Variants in CDH4 observed in about 807,000 individuals in gnomAD.
CDH4 encodes the protein cadherin 4, also known as cadherin-4.
Under a neutral mutation model 86.0 loss-of-function variants are expected in CDH4, and 33 were observed. The observed-to-expected ratio is 0.38, with a 90% CI of 0.29 to 0.51. The LOEUF is 0.51. Among genes scored for constraint, CDH4 ranks in the 20% least tolerant of loss-of-function variants. CDH4 has a pLI of 0.86. For synonymous variants in CDH4, 555 were observed against 549.4 expected (o/e 1.01, Z -0.14); for missense variants, 1,114 against 1,307.4 (o/e 0.85, Z 2.28).
intron 2 of CDH4, among the ~76,000 whole-genome samples, chr20:61,293,237 G>A (rs977126723): frequency 3.3e-5 from 5 of 152,170 alleles, no homozygotes; most frequent in Non-Finnish European, 7.4e-5. Context: ...TGCACGTAGT[G>A]GGACTTGGCC....
At chr20:61,914,204 A>C (rs1343766327) in intron 9 of CDH4, among the ~76,000 whole-genome samples, 1 of 152,192 alleles carries the variant, frequency 6.6e-6, no homozygotes, top group African/African-American at 2.4e-5. Flanking sequence ...GAAGTGGAGC[A>C]TGGGGACTGA....
At chr20:61,459,232 T>G (rs1284049682) in intron 2 of CDH4, among the ~76,000 whole-genome samples, 1 of 152,090 alleles carries the variant, frequency 6.6e-6, no homozygotes, top group Non-Finnish European at 1.5e-5. Context: ...GGAGTATCGC[T>G]TTATCCCAGT....
intron 2 of CDH4, among the ~76,000 whole-genome samples, chr20:61,686,063 T>C (rs193122574): frequency 3.3e-5 from 5 of 152,270 alleles, no homozygotes; most frequent in Admixed American, 3.3e-4. Context: ...GTGATGGGAT[T>C]TTTTTTTCTT....
intron 1 of CDH4, among the ~76,000 whole-genome samples, chr20:61,253,143 G>T (rs980789889): frequency 1.2e-4 from 18 of 151,520 alleles, no homozygotes; most frequent in Middle Eastern, 3.5e-3. Context: ...GGGCGGCGGG[G>T]TAGGACTGCG....
intron 2 of CDH4, among the ~76,000 whole-genome samples, chr20:61,495,524 G>A (rs1333542726): frequency 6.6e-6 from 1 of 152,202 alleles, no homozygotes; most frequent in East Asian, 1.9e-4. Context: ...GCTCTGAGGT[G>A]GGAATGGCCA....
At position 61,687,434 on chromosome 20, in the gene CDH4, C is replaced by G. The variant is rs571697865; in HGVS notation, c.170-56129C>G. On this transcript the variant is annotated intron_variant, in intron 2 of 15. Coordinates refer to ENST00000614565, the MANE Select transcript of CDH4 (RefSeq NM_001794.5). Reference sequence around the variant, plus strand: ...GGACCCAAAATGTGGATGGGCGCCCCCGGGGACCCACAGACACTGCCTCCT... The same window carrying G: ...GGACCCAAAATGTGGATGGGCGCCCGCGGGGACCCACAGACACTGCCTCCT... 1.5e-3 allele frequency among the ~76,000 whole-genome samples: 232 copies of G among 152,298 alleles called. 2 individuals carry two copies. Among genetic ancestry groups the G allele is most frequent in the Non-Finnish European group, 6.9e-4 (47 of 68,034 alleles).
chr20:61,375,072 C>T (rs1268803032), intron 2 of CDH4, among the ~76,000 whole-genome samples: 1 of 152,194 alleles, frequency 6.6e-6, no homozygotes, highest in Non-Finnish European at 1.5e-5. Context: ...TTGATTGTAG[C>T]CTCATGTCTC....
In CDH4 at chr20:61,565,203, TCGC is replaced by T. The variant is rs1326102320; in HGVS notation, c.170-178359_170-178357del. Among the ~76,000 whole-genome samples the T allele has an allele frequency of 5.9e-4, 19 of 32,142 alleles. 1 individual carries two copies. The highest frequency in any genetic ancestry group is 7.2e-4 in the Non-Finnish European group (12 of 16,782). 21.1% of individuals were successfully genotyped at this position (32,142 alleles called of 152,430 possible). On this transcript the variant is annotated intron_variant, in intron 2 of 15. Transcript: ENST00000614565. ...GTGGTGGTGGTCCTCTTGGTGGTGGTCGCGGTGCTCTCGGTGGTAGGTGGTGGT... is the reference window on the plus strand; with the variant it reads ...GTGGTGGTGGTCCTCTTGGTGGTGGTGGTGCTCTCGGTGGTAGGTGGTGGT...
At chr20:61,285,882 G>C (rs1021637070) in intron 2 of CDH4, among the ~76,000 whole-genome samples, 2 of 152,228 alleles carry the variant, frequency 1.3e-5, no homozygotes, top group African/African-American at 4.8e-5. Flanking sequence ...GCTGGGGATG[G>C]CCGTGGGCAC....
At chr20:61,720,077 G>C (rs953855653) in intron 2 of CDH4, among the ~76,000 whole-genome samples, 1 of 152,138 alleles carries the variant, frequency 6.6e-6, no homozygotes, top group Non-Finnish European at 1.5e-5. Flanking sequence ...GAGGGCAGTC[G>C]GCGGTGGGGG....
intron 2 of CDH4, among the ~76,000 whole-genome samples, chr20:61,432,445 G>A (rs1261667631): frequency 2.0e-5 from 3 of 152,084 alleles, no homozygotes; most frequent in Non-Finnish European, 4.4e-5. Context: ...TTCTTTTGTG[G>A]AGTGTCTGTT....
intron 2 of CDH4, among the ~76,000 whole-genome samples, chr20:61,348,322 G>A (rs554845682): frequency 1.8e-3 from 276 of 152,178 alleles, no homozygotes; most frequent in African/African-American, 5.5e-3. Flanking sequence ...AGACTTATTC[G>A]CTATCACGAG....
At chr20:61,323,970 G>C (rs1334651304) in intron 2 of CDH4, among the ~76,000 whole-genome samples, 1 of 152,096 alleles carries the variant, frequency 6.6e-6, no homozygotes, top group East Asian at 1.9e-4. Flanking sequence ...TATTAGCTCT[G>C]GTGCCAGCAC....
intron 2 of CDH4, among the ~76,000 whole-genome samples, chr20:61,583,146 T>C: frequency 2.0e-5 from 1 of 50,764 alleles, no homozygotes; most frequent in Non-Finnish European, 4.8e-5. Flanking sequence ...GACAGAGGGC[T>C]CTGCGGAGGG....
intron 2 of CDH4, among the ~76,000 whole-genome samples, chr20:61,274,170 G>A (rs2084209169): frequency 6.8e-6 from 1 of 147,506 alleles, no homozygotes; most frequent in South Asian, 2.2e-4. Context: ...GCAGTTTGGG[G>A]GAGTACTGTG....
At chr20:61,706,147 C>T (rs6089480) in intron 2 of CDH4, among the ~76,000 whole-genome samples, 56,204 of 152,072 alleles carry the variant, frequency 0.37, 12,345 homozygotes, top group East Asian at 0.57. Context: ...GCCTGCCCGG[C>T]GCCTGCTCGG....
chr20:61,453,554 T>TG (rs374687440), intron 2 of CDH4, among the ~76,000 whole-genome samples: 168 of 152,266 alleles, frequency 1.1e-3, no homozygotes, highest in African/African-American at 3.9e-3. Flanking sequence ...TGTGTGGAGC[T>TG]GGGTCCAGGG....
intron 7 of CDH4, among the ~76,000 whole-genome samples, chr20:61,890,582 TGATGGATGGGTAAATGATGGATG>T (rs1426845703): frequency 2.0e-5 from 3 of 150,842 alleles, no homozygotes; most frequent in Non-Finnish European, 4.4e-5. Context: ...GATGTGCAGA[TGATGGATGGGTAAATGATGGATG>T]GATGGATGGG....
intron 4 of CDH4, among the ~76,000 whole-genome samples, chr20:61,796,807 C>A (rs112956805): frequency 9.2e-4 from 140 of 152,244 alleles, no homozygotes; most frequent in Middle Eastern, 6.8e-3. Flanking sequence ...TATGTGAGAA[C>A]CGAGGGGTGG....
Sources: gnomAD v4.1 joint callset for allele counts (sites outside exome capture counted in the v4.1 genomes callset) on GRCh38, gnomAD v4.1.1 for gene constraint, MANE v1.5 for transcripts, NCBI Gene and HGNC (gene_info 2026-07-23, HGNC 2026-07-21) for gene names.